The following PDIA5 variants were observed in gnomAD, a reference collection of about 807,000 sequenced individuals.
PDIA5 encodes the protein protein disulfide-isomerase A5.
A neutral mutation model predicts 77.6 loss-of-function variants in PDIA5; 58 were observed. The ratio of observed to expected loss-of-function variants is 0.75; its 90% CI spans 0.61 to 0.93. The LOEUF is 0.93. PDIA5 is among the 40% of genes least tolerant of loss of function. The pLI, the probability that PDIA5 is intolerant of heterozygous loss-of-function variation, is 0.00. For missense variants in PDIA5, 630 were observed against 647.7 expected (o/e 0.97, Z 0.30); for synonymous variants, 250 against 252.1 (o/e 0.99, Z 0.08).
At chr3:123,072,300 GTAATGATATCCATCTTGCAGTGTTGAAA>G (rs1243846407) in intron 1 of PDIA5, among the ~76,000 whole-genome samples, 5 of 152,192 alleles carry the variant, frequency 3.3e-5, no homozygotes, top group African/African-American at 4.8e-5. Flanking sequence ...GTTAGTGGTG[GTAATGATATCCATCTTGCAGTGTTGAAA>G]GGATTAGAAA....
chr3:123,091,129 A>G (rs11714064), intron 2 of PDIA5, among the ~76,000 whole-genome samples: 2 of 151,932 alleles, frequency 1.3e-5, no homozygotes, highest in African/African-American at 4.8e-5. Flanking sequence ...CTTTCCCCAC[A>G]TCAGTGGCTC....
At chr3:123,138,960 G>A (rs1576460010) in intron 11 of PDIA5, among the ~76,000 whole-genome samples, 1 of 152,284 alleles carries the variant, frequency 6.6e-6, no homozygotes, top group Middle Eastern at 3.4e-3. Flanking sequence ...TAGCTGGCCT[G>A]TAGTAAAATC....
intron 10 of PDIA5, among the ~76,000 whole-genome samples, chr3:123,130,048 C>G (rs1057296541): frequency 3.3e-5 from 5 of 152,224 alleles, no homozygotes; most frequent in African/African-American, 2.4e-5. Flanking sequence ...TCTTCCTCCC[C>G]TCCACTGCCC....
intron 14 of PDIA5, among the ~76,000 whole-genome samples, chr3:123,150,847 G>A (rs1465579630): frequency 1.3e-5 from 2 of 152,192 alleles, no homozygotes; most frequent in African/African-American, 4.8e-5. Context: ...TTTAATCAGA[G>A]CTCAAGCTGA....
intron 3 of PDIA5, among the ~76,000 whole-genome samples, chr3:123,092,665 G>A (rs552175076): frequency 5.9e-5 from 9 of 152,162 alleles, no homozygotes; most frequent in Admixed American, 2.6e-4. Flanking sequence ...CCCTTTTTCC[G>A]TAGAGCTTTC....
At position 123,116,307 on chromosome 3, in the gene PDIA5, G is replaced by T; in HGVS notation, c.609+9G>T. 1 of 1,611,126 alleles carries T rather than the reference G, an allele frequency of 6.2e-7. No homozygotes were observed. Among genetic ancestry groups the T allele is most frequent in the Non-Finnish European group, 8.5e-7 (1 of 1,178,570 alleles). ...AGCTGCGAGGCCACGCCGTAAGTGAGGCGCCATTGCCTGGCAGGGCTGGGT... is the reference window on the plus strand; with the variant it reads ...AGCTGCGAGGCCACGCCGTAAGTGATGCGCCATTGCCTGGCAGGGCTGGGT... On this transcript the variant is annotated intron_variant, in intron 8 of 16. Transcript: ENST00000316218.
At chr3:123,071,883 C>A (rs1351635251) in intron 1 of PDIA5, among the ~76,000 whole-genome samples, 2 of 152,154 alleles carry the variant, frequency 1.3e-5, no homozygotes, top group African/African-American at 2.4e-5. Flanking sequence ...ACTAATGTCA[C>A]AGGCAGAGAA....
chr3:123,144,540 A>T (rs897529180), intron 11 of PDIA5: 1 of 152,258 alleles, frequency 6.6e-6, no homozygotes, highest in Non-Finnish European at 1.5e-5. Flanking sequence ...TTTTTAATGC[A>T]TCAAATTTTA....
At position 123,108,872 on chromosome 3, in the gene PDIA5, C is replaced by T. The variant is rs148930138; in HGVS notation, c.480+2031C>T. Among the ~76,000 whole-genome samples, 21 of 150,946 alleles carry T rather than the reference C, an allele frequency of 1.4e-4. No homozygotes were observed. The East Asian group carries it at 2.2e-3, about 15-fold the overall frequency. On this transcript the variant is annotated intron_variant, in intron 6 of 16. Transcript: ENST00000316218. ...TTGCACTCCAGCCTGGGTGACAGGG[C>T]GAGACTCCTTCTCAAAAAAAAGCAT...
chr3:123,139,228 A>G (rs1204894794), intron 11 of PDIA5, among the ~76,000 whole-genome samples: 1 of 152,180 alleles, frequency 6.6e-6, no homozygotes, highest in Non-Finnish European at 1.5e-5. Flanking sequence ...CGCTCCCTGC[A>G]TGTAACCCTC....
intron 11 of PDIA5, among the ~76,000 whole-genome samples, chr3:123,132,554 G>A (rs762701859): frequency 5.3e-5 from 8 of 152,212 alleles, no homozygotes; most frequent in African/African-American, 7.2e-5. Flanking sequence ...AATGAAGGGC[G>A]TCTGCCTCAG....
At chr3:123,117,798 T>C (rs1935030114) in intron 8 of PDIA5, among the ~76,000 whole-genome samples, 1 of 152,194 alleles carries the variant, frequency 6.6e-6, no homozygotes, top group South Asian at 2.1e-4. Context: ...CAAATACCTC[T>C]TTGGGATCCT....
At chr3:123,122,621 C>A (rs1012954409) in intron 8 of PDIA5, among the ~76,000 whole-genome samples, 2 of 152,200 alleles carry the variant, frequency 1.3e-5, no homozygotes, top group Non-Finnish European at 2.9e-5. Context: ...AGTTACTGAG[C>A]TCCAGTTTTG....
chr3:123,154,981 C>T lies in PDIA5; in HGVS notation c.1284C>T (p.His428=), dbSNP rs749510171. 2 of 1,610,064 alleles carry T rather than the reference C, an allele frequency of 1.2e-6. No individual in the cohort carries two copies. The highest frequency in any genetic ancestry group is 1.1e-5 in the South Asian group (1 of 90,988). The stretch of plus-strand genomic sequence containing the variant: ...TCCCCTCTCACACAGGGTGCCCACA[C>T]TGTAAGAAGGTCATTCCGCACTTTA... The part of the protein sequence containing the change: ...LVMFYAPWCP[H]CKKVIPHFTA... Residue 428 remains histidine, a synonymous_variant, in exon 15 of 17, where the codon CAC becomes CAT. Transcript: ENST00000316218.
intron 7 of PDIA5, among the ~76,000 whole-genome samples, chr3:123,114,638 C>T (rs755734813): frequency 1.8e-4 from 28 of 152,344 alleles, no homozygotes; most frequent in African/African-American, 6.3e-4. Context: ...TCCCCCTGAG[C>T]GTTGTTCCTG....
intron 8 of PDIA5, among the ~76,000 whole-genome samples, chr3:123,118,689 T>C (rs1560529940): frequency 6.6e-6 from 1 of 152,320 alleles, no homozygotes; most frequent in Middle Eastern, 3.4e-3. Context: ...TGTGAGTTTC[T>C]TGGGCACAGG....
At chr3:123,076,429 G>A (rs1933859184) in intron 1 of PDIA5, among the ~76,000 whole-genome samples, 1 of 152,122 alleles carries the variant, frequency 6.6e-6, no homozygotes, top group Non-Finnish European at 1.5e-5. Context: ...TACACACTGG[G>A]CTCACTGAAT....
Position 123,067,880 on chromosome 3 carries a change from AC to A in PDIA5, c.42+679del, listed in dbSNP as rs369297317. ...ATGCATGATATAGAAAGGCAAAGCT[AC>A]CCCCATAGGGTGGTTCTGAGAGTCG... is the stretch of plus-strand genomic sequence containing the variant. On this transcript the variant is annotated intron_variant, in intron 1 of 16. Transcript: ENST00000316218. Among the ~76,000 whole-genome samples, 126 of 152,058 alleles carry A rather than the reference AC, an allele frequency of 8.3e-4. 5 individuals are homozygous for A. In the East Asian group the frequency reaches 0.015, roughly 19 times the overall value.
At chr3:123,146,005 C>A in intron 12 of PDIA5, 94 bp from the exon 13 acceptor site, 1 of 1,205,014 alleles carries the variant, frequency 8.3e-7, no homozygotes, top group Non-Finnish European at 1.2e-6. Flanking sequence ...CCAGCAGGTC[C>A]AGGATGGGTT....
Sources: gnomAD v4.1 joint callset for allele counts (sites outside exome capture counted in the v4.1 genomes callset) on GRCh38, gnomAD v4.1.1 for gene constraint, MANE v1.5 for transcripts, NCBI Gene and HGNC (gene_info 2026-07-23, HGNC 2026-07-21) for gene names.